AVPI1: variants seen among roughly 807,000 people sequenced by gnomAD.
The protein encoded by AVPI1 is arginine vasopressin induced 1, also known as arginine vasopressin-induced protein 1.
Under a neutral mutation model 11.9 loss-of-function variants are expected in AVPI1, and 9 were observed. That is an observed-to-expected ratio of 0.76 (90% CI 0.46 to 1.32). The LOEUF (loss-of-function observed/expected upper bound fraction) is 1.32, where lower values mean the gene tolerates loss of function less well. Ranked by LOEUF, AVPI1 falls within the 40% of genes most tolerant of loss-of-function variation. The pLI is 0.00. For synonymous variants in AVPI1, 68 were observed against 78.1 expected, an observed-to-expected ratio of 0.87 and a Z score of 0.68; for missense variants, 207 against 195.8, an observed-to-expected ratio of 1.06 and a Z score of -0.34.
At chr10:97,681,855 G>C (rs1206752227) in intron 1 of AVPI1, among the ~76,000 whole-genome samples, 3 of 147,070 alleles carry the variant, frequency 2.0e-5, no homozygotes, top group South Asian at 2.1e-4. Context: ...TCCGCAGTCC[G>C]GCCTGGGCGA....
In AVPI1 at chr10:97,677,536, G is replaced by T. The variant is rs1029741139; in HGVS notation, c.*333C>A. On this transcript the variant is annotated 3_prime_UTR_variant, in exon 3 of 3. Transcript: ENST00000370626. ...CCATGGTTTACAGTAGTAGCAGGTA[G>T]ATGATTAGTAGCATGAGTGGTGAAA... The T allele has an allele frequency of 1.9e-5, 5 of 257,710 alleles. No individual in the cohort carries two copies. The highest frequency in any genetic ancestry group is 3.8e-5 in the Non-Finnish European group (5 of 133,004). The allele number at this position is 257,710 out of a possible 1,614,324, so 16.0% of individuals were successfully genotyped here.
chr10:97,682,439 T>C (rs796568964), intron 1 of AVPI1, among the ~76,000 whole-genome samples: 52 of 152,324 alleles, frequency 3.4e-4, no homozygotes, highest in African/African-American at 1.3e-3. Context: ...ATTAAAATAT[T>C]TACATGCTCA....
At chr10:97,679,369 T>C (rs1238810559) in intron 2 of AVPI1, among the ~76,000 whole-genome samples, 1 of 152,082 alleles carries the variant, frequency 6.6e-6, no homozygotes, top group African/African-American at 2.4e-5. Flanking sequence ...GGTCTCAAAC[T>C]CCTGACCTAG....
chr10:97,682,464 C>A (rs1029361121), intron 1 of AVPI1, among the ~76,000 whole-genome samples: 2 of 152,162 alleles, frequency 1.3e-5, no homozygotes, highest in East Asian at 3.8e-4. Flanking sequence ...AAGAGGCAAA[C>A]AGTACAAAAG....
rs1341945219 is a variant in AVPI1, at chr10:97,687,010, C to CG, written c.-256dup. ...CAGACGTGGCCGCTTCGCAGAACGA[C>CG]GGGGTCCTAAGTGGATCTGGCGGTC... On this transcript the variant is annotated 5_prime_UTR_variant, in exon 1 of 3. Coordinates refer to ENST00000370626, the MANE Select transcript of AVPI1 (RefSeq NM_021732.3). 6.6e-6 allele frequency: 1 copy of CG among 152,270 alleles called. No individual in the cohort carries two copies. The highest frequency in any genetic ancestry group is 1.5e-5 in the Non-Finnish European group (1 of 68,088). The allele number at this position is 152,270 out of a possible 1,614,324, so 9.4% of individuals were successfully genotyped here.
chr10:97,679,587 C>T (rs1354392867), intron 2 of AVPI1, 32 bp downstream of exon 2: 1 of 1,577,628 alleles, frequency 6.3e-7, no homozygotes, highest in Admixed American at 1.8e-5. Context: ...CATTAGTGCT[C>T]TTCCCTCAGC....
At chr10:97,679,052 C>T (rs948173941) in intron 2 of AVPI1, among the ~76,000 whole-genome samples, 7 of 141,716 alleles carry the variant, frequency 4.9e-5, no homozygotes, top group African/African-American at 1.6e-4. Flanking sequence ...CTGAGAATAA[C>T]GGCAGAATGA....
chr10:97,681,607 G>C (rs568685573), intron 1 of AVPI1, among the ~76,000 whole-genome samples: 3 of 151,928 alleles, frequency 2.0e-5, no homozygotes, highest in Non-Finnish European at 4.4e-5. Flanking sequence ...GGCCGGGCGC[G>C]GTGGCTCACG....
At chr10:97,683,964 T>C (rs759189016) in intron 1 of AVPI1, among the ~76,000 whole-genome samples, 13 of 151,934 alleles carry the variant, frequency 8.6e-5, no homozygotes, top group Non-Finnish European at 1.3e-4. Flanking sequence ...CAGGTAAGTC[T>C]GTACAGAAGG....
rs536407807 is a variant in AVPI1 at position 97,683,450 on chromosome 10, C to T, written c.-11+3316G>A. ...TTGTGATTACAGGTGTGAGCCACTG[C>T]GCCCGGTCAGCCCACGCTTTTAAAC... On this transcript the variant is annotated intron_variant, in intron 1 of 2. Coordinates refer to ENST00000370626, the MANE Select transcript of AVPI1 (RefSeq NM_021732.3). Among the ~76,000 whole-genome samples, 11 of 152,342 alleles carry T rather than the reference C, an allele frequency of 7.2e-5. No homozygotes were observed. In the South Asian group the frequency reaches 1.4e-3, roughly 20 times the overall value.
chr10:97,680,109 A>C (rs563205846), intron 1 of AVPI1, among the ~76,000 whole-genome samples, 194 bp from the exon 2 acceptor site: 2 of 152,246 alleles, frequency 1.3e-5, no homozygotes, highest in Admixed American at 6.5e-5. Context: ...AAAGCAACCC[A>C]TGAGGTAAGA....
In AVPI1 at chr10:97,678,947, G is replaced by GACAGGA. The variant is rs1564779881; in HGVS notation, c.287+671_287+672insTCCTGT. 5.7e-3 allele frequency among the ~76,000 whole-genome samples: 237 copies of GACAGGA among 41,900 alleles called. 34 individuals carry two copies. The highest frequency in any genetic ancestry group is 0.029 in the Admixed American group (103 of 3,514). 27.5% of individuals were successfully genotyped at this position (41,900 alleles called of 152,430 possible). On this transcript the variant is annotated intron_variant, in intron 2 of 2. Coordinates refer to ENST00000370626, the MANE Select transcript of AVPI1 (RefSeq NM_021732.3). ...TGTGTGTGTGTGTGTGTGTGTGTGT[G>GACAGGA]TGTGTGTGTGTGTGTGTGTGTGTGT...
intron 2 of AVPI1, among the ~76,000 whole-genome samples, chr10:97,678,910 TGTGTGTGTGTGTGTGTGTGTGTG>T (rs2041682854): frequency 3.7e-5 from 1 of 27,124 alleles, no homozygotes; most frequent in African/African-American, 1.8e-4. Flanking sequence ...TGTGTGTGTG[TGTGTGTGTGTGTGTGTGTGTGTG>T]TGTGTGTGTG....
At chr10:97,684,777 G>A (rs1333441207) in intron 1 of AVPI1, among the ~76,000 whole-genome samples, 2 of 152,164 alleles carry the variant, frequency 1.3e-5, no homozygotes, top group South Asian at 2.1e-4. Context: ...TGGGATTATA[G>A]GCGTGAGCCA....
rs145388667 is a variant in AVPI1 at position 97,679,855 on chromosome 10, C to T, written c.51G>A (p.Pro17=). Residue 17 remains proline, a synonymous_variant, in exon 2 of 3, where the codon CCG becomes CCA. Coordinates refer to ENST00000370626, the MANE Select transcript of AVPI1 (RefSeq NM_021732.3). The stretch of plus-strand genomic sequence containing the variant: ...CCTGCTTGCGGCCCCGGGCCTCAAT[C>T]GGGGCCTGCCAAGGGGGTGGCTCAC... ...VVSEPPPWQA[P]IEARGRKQAS... 144 of 1,601,776 alleles carry T rather than the reference C, an allele frequency of 9.0e-5. No individual in the cohort carries two copies. In the African/African-American group the frequency reaches 1.3e-3, roughly 15 times the overall value.
At chr10:97,686,301 C>G (rs973727651) in intron 1 of AVPI1, among the ~76,000 whole-genome samples, 2 of 152,124 alleles carry the variant, frequency 1.3e-5, no homozygotes, top group African/African-American at 4.8e-5. Flanking sequence ...GCTATAGAAT[C>G]ATTGTCATTT....
intron 2 of AVPI1, among the ~76,000 whole-genome samples, chr10:97,679,040 A>AGCTGAGAATAACGGCAGAATGAGGTGAT (rs2041687401): frequency 7.1e-6 from 1 of 140,788 alleles, no homozygotes; most frequent in Admixed American, 7.3e-5. Flanking sequence ...CAGGCTGGTA[A>AGCTGAGAATAACGGCAGAATGAGGTGAT]GCTGAGAATA....
intron 2 of AVPI1, among the ~76,000 whole-genome samples, chr10:97,678,692 A>T (rs1455027845): frequency 8.5e-4 from 129 of 152,044 alleles, no homozygotes; most frequent in Middle Eastern, 6.8e-3. Context: ...CTTAAAAAAA[A>T]AAAAAAAAGA....
In AVPI1 at chr10:97,677,651, C is replaced by T; in HGVS notation, c.*218G>A. ...AGACTGGGAAGGACTGTGGCAGGAA[C>T]AGTCACTGTCTCTCCTCATTTTGGT... is the stretch of plus-strand genomic sequence containing the variant. On this transcript the variant is annotated 3_prime_UTR_variant, in exon 3 of 3. Coordinates refer to ENST00000370626, the MANE Select transcript of AVPI1 (RefSeq NM_021732.3). The T allele has an allele frequency of 1.8e-6, 1 of 541,426 alleles. No homozygotes were observed. The highest frequency in any genetic ancestry group is 3.1e-5 in the East Asian group (1 of 31,984). The allele number at this position is 541,426 out of a possible 1,614,324, so 33.5% of individuals were successfully genotyped here.
Sources: allele counts gnomAD v4.1 joint callset (sites outside exome capture counted in the v4.1 genomes callset), GRCh38; gene constraint gnomAD v4.1.1; transcripts MANE v1.5; gene names NCBI Gene and HGNC (gene_info 2026-07-23, HGNC 2026-07-21).